NRG2: variants seen among roughly 807,000 people sequenced by gnomAD.
The protein encoded by NRG2 is neuregulin 2.
NRG2 carries 27 observed loss-of-function variants against 73.9 expected under a neutral mutation model. That is an observed-to-expected ratio of 0.37 (90% confidence interval 0.27 to 0.50). The LOEUF (loss-of-function observed/expected upper bound fraction) is 0.50, where lower values mean the gene tolerates loss of function less well. NRG2 is among the 20% of genes least tolerant of loss of function. The pLI, the probability that NRG2 is intolerant of heterozygous loss-of-function variation, is 0.96. For missense variants in NRG2, 1,126 were observed against 1,210.1 expected (o/e 0.93, Z 1.03); for synonymous variants, 532 against 541.0 (o/e 0.98, Z 0.23).
intron 1 of NRG2, among the ~76,000 whole-genome samples, chr5:139,923,612 A>G (rs1751840585): frequency 6.6e-6 from 1 of 152,124 alleles, no homozygotes; most frequent in African/African-American, 2.4e-5. Flanking sequence ...TCCAGCTCTC[A>G]TGTCCTATAC....
In NRG2 at chr5:139,876,080, CAATCCAAATGACCCAAG is replaced by C. The variant is rs565197593; in HGVS notation, c.992-4256_992-4240del. On this transcript the variant is annotated intron_variant, in intron 3 of 9. Transcript: ENST00000361474. Reference sequence around the variant, plus strand: ...ATTAATAACAGCCAAAATGTGGAAACAATCCAAATGACCCAAGAATCCAAATGACCCAAGAATCCAAA... The same window carrying C: ...ATTAATAACAGCCAAAATGTGGAAACAATCCAAATGACCCAAGAATCCAAA... Among the ~76,000 whole-genome samples, 71 of 152,202 alleles carry C rather than the reference CAATCCAAATGACCCAAG, an allele frequency of 4.7e-4. 1 individual carries two copies. In the South Asian group the frequency reaches 0.013, roughly 29 times the overall value.
chr5:139,948,391 C>T (rs1443748298), intron 1 of NRG2, among the ~76,000 whole-genome samples: 1 of 151,920 alleles, frequency 6.6e-6, no homozygotes, highest in African/African-American at 2.4e-5. Context: ...AGAGACCTAA[C>T]CTGAGCCACT....
intron 1 of NRG2, among the ~76,000 whole-genome samples, chr5:139,999,571 C>A (rs1758279094): frequency 1.3e-5 from 2 of 152,166 alleles, no homozygotes; most frequent in Non-Finnish European, 2.9e-5. Context: ...TCTGTTCGTA[C>A]CTGGTAGCAC....
intron 1 of NRG2, among the ~76,000 whole-genome samples, chr5:139,998,252 T>C (rs569574531): frequency 5.3e-5 from 8 of 152,234 alleles, no homozygotes; most frequent in Non-Finnish European, 1.2e-4. Flanking sequence ...TCTGGAAAGA[T>C]GAAAGACCAA....
intron 1 of NRG2, among the ~76,000 whole-genome samples, chr5:139,957,441 A>G (rs1754723499): frequency 6.6e-6 from 1 of 151,906 alleles, no homozygotes; most frequent in Non-Finnish European, 1.5e-5. Context: ...AGCCCCACCC[A>G]CTTGCTATAC....
At chr5:139,886,729 C>T (rs1396926217) in intron 2 of NRG2, among the ~76,000 whole-genome samples, 2 of 152,222 alleles carry the variant, frequency 1.3e-5, no homozygotes, top group African/African-American at 4.8e-5. Flanking sequence ...GACAGGCCAT[C>T]TCCCATAGCC....
At chr5:139,974,677 G>C (rs558123693) in intron 1 of NRG2, among the ~76,000 whole-genome samples, 1 of 152,264 alleles carries the variant, frequency 6.6e-6, no homozygotes, top group East Asian at 1.9e-4. Flanking sequence ...CTCCTTGGCT[G>C]TTACCAGCCC....
intron 3 of NRG2, among the ~76,000 whole-genome samples, chr5:139,876,222 A>C (rs1763167308): frequency 1.3e-5 from 2 of 152,188 alleles, no homozygotes; most frequent in Admixed American, 1.3e-4. Context: ...ACACGGATGA[A>C]CCTTGAAAAC....
chr5:139,892,249 C>A (rs1342938103), intron 1 of NRG2, among the ~76,000 whole-genome samples: 1 of 152,156 alleles, frequency 6.6e-6, no homozygotes, highest in Non-Finnish European at 1.5e-5. Flanking sequence ...TAGAGCCCTG[C>A]CAGGTTTTCT....
At chr5:139,986,376 T>C (rs1242255717) in intron 1 of NRG2, among the ~76,000 whole-genome samples, 1 of 152,112 alleles carries the variant, frequency 6.6e-6, no homozygotes, top group Non-Finnish European at 1.5e-5. Context: ...ATGATATAAA[T>C]TGGTGATCAG....
intron 1 of NRG2, among the ~76,000 whole-genome samples, chr5:140,027,140 CT>C (rs1355324576): frequency 1.3e-5 from 2 of 152,086 alleles, no homozygotes; most frequent in Non-Finnish European, 2.9e-5. Context: ...TCCACTATGC[CT>C]GGCTAATTTC....
rs369903181 is a variant in NRG2 at position 139,954,133 on chromosome 5, C to T, written c.701-66622G>A. On this transcript the variant is annotated intron_variant, in intron 1 of 9. Transcript: ENST00000361474. The surrounding 1 kb of genome is among the most constrained non-coding windows in gnomAD (Gnocchi z 5.0). Reference sequence around the variant, plus strand: ...CAGAGCAAGCATGAGGCCAGGCTGGCGGTTCTCTCCCCTTGCCTCCTGCAC... The same window carrying T: ...CAGAGCAAGCATGAGGCCAGGCTGGTGGTTCTCTCCCCTTGCCTCCTGCAC... 9.1e-4 allele frequency among the ~76,000 whole-genome samples: 139 copies of T among 152,200 alleles called. 1 individual carries two copies. The highest frequency in any genetic ancestry group is 3.5e-3 in the East Asian group (18 of 5,168).
intron 1 of NRG2, among the ~76,000 whole-genome samples, chr5:139,987,518 C>T (rs958730933): frequency 6.6e-6 from 1 of 152,126 alleles, no homozygotes. Flanking sequence ...ACGATCCCAG[C>T]CAGAGACTGC....
At chr5:140,001,286 G>A (rs1314076732) in intron 1 of NRG2, among the ~76,000 whole-genome samples, 1 of 152,110 alleles carries the variant, frequency 6.6e-6, no homozygotes, top group Non-Finnish European at 1.5e-5. Flanking sequence ...ACCTACCACG[G>A]TGCCCCATAC....
At chr5:139,920,708 G>T (rs1751595343) in intron 1 of NRG2, among the ~76,000 whole-genome samples, 1 of 152,244 alleles carries the variant, frequency 6.6e-6, no homozygotes, top group East Asian at 1.9e-4. Flanking sequence ...AAAGAAGGGG[G>T]CATCTGGAGT....
intron 1 of NRG2, among the ~76,000 whole-genome samples, chr5:140,033,159 T>G (rs972823960): frequency 1.4e-4 from 22 of 152,256 alleles, no homozygotes; most frequent in Middle Eastern, 3.4e-3. Flanking sequence ...TACAACTCAC[T>G]ACAGAAACAA....
chr5:139,904,392 C>A lies in NRG2; in HGVS notation c.701-16881G>T. On this transcript the variant is annotated intron_variant, in intron 1 of 9. Transcript: ENST00000361474. The surrounding 1 kb of genome is among the most constrained non-coding windows in gnomAD (Gnocchi z 6.0). ...GGCCGCGGCCCCTCCTCCTGGACTC[C>A]GACATTCTGCACGGGGTCCCAGGCG... 1 of 1,553,734 alleles carries A rather than the reference C, an allele frequency of 6.4e-7. No homozygotes were observed. Among genetic ancestry groups the A allele is most frequent in the Non-Finnish European group, 8.7e-7 (1 of 1,146,340 alleles).
At chr5:139,982,616 C>CGA (rs1023329765) in intron 1 of NRG2, among the ~76,000 whole-genome samples, 30 of 152,284 alleles carry the variant, frequency 2.0e-4, no homozygotes, top group Admixed American at 1.6e-3. Context: ...TCCTAGACAG[C>CGA]GAGTTTCCGG....
intron 1 of NRG2, among the ~76,000 whole-genome samples, chr5:139,932,003 C>A (rs35740825): frequency 6.6e-6 from 1 of 152,052 alleles, no homozygotes; most frequent in African/African-American, 2.4e-5. Context: ...TAGATTGGTA[C>A]GGCCATTATG....
Sources: allele counts gnomAD v4.1 joint callset (sites outside exome capture counted in the v4.1 genomes callset), GRCh38; gene constraint gnomAD v4.1.1; non-coding constraint Gnocchi (gnomAD v3.1); transcripts MANE v1.5; gene names NCBI Gene and HGNC (gene_info 2026-07-23, HGNC 2026-07-21).